The following ACVR1B variants were observed in gnomAD, a reference collection of about 807,000 sequenced individuals.
ACVR1B encodes activin receptor type-1B.
In ACVR1B, 15 loss-of-function variants were observed where a neutral mutation model predicts 55.6. The observed-to-expected ratio is 0.27, with a 90% CI of 0.18 to 0.42. The LOEUF (loss-of-function observed/expected upper bound fraction) is 0.42, where lower values mean the gene tolerates loss of function less well. Among genes scored for constraint, ACVR1B ranks in the 10% least tolerant of loss-of-function variants. The pLI, the probability that ACVR1B is intolerant of heterozygous loss-of-function variation, is 1.00. For missense variants in ACVR1B, 359 were observed against 670.1 expected, an observed-to-expected ratio of 0.54 and a Z score of 5.13; for synonymous variants, 247 against 254.6, an observed-to-expected ratio of 0.97 and a Z score of 0.28.
intron 1 of ACVR1B, among the ~76,000 whole-genome samples, chr12:51,959,201 A>G (rs1386780508): frequency 6.6e-6 from 1 of 152,244 alleles, no homozygotes; most frequent in African/African-American, 2.4e-5. Flanking sequence ...GGTCTCAATC[A>G]GTTGACCTTT....
intron 8 of ACVR1B, 57 bp downstream of exon 8, chr12:51,992,050 AG>A (rs753293946): frequency 1.4e-5 from 22 of 1,612,994 alleles, no homozygotes; most frequent in Admixed American, 1.7e-5. Context: ...ACCTTAGAAA[AG>A]GGTTTCTTGA....
chr12:51,980,448 T>G (rs1388076686), intron 3 of ACVR1B, among the ~76,000 whole-genome samples: 8 of 152,134 alleles, frequency 5.3e-5, no homozygotes, highest in Non-Finnish European at 1.2e-4. Flanking sequence ...ACATCTGGAG[T>G]TCGCTTGTGA....
intron 6 of ACVR1B, 21 bp from the exon 7 acceptor site, chr12:51,986,797 A>G (rs951614233): frequency 1.9e-6 from 3 of 1,600,176 alleles, no homozygotes; most frequent in African/African-American, 1.3e-5. Context: ...GTGCGTGACC[A>G]TGTTTGTTTT....
At chr12:51,957,665 A>G (rs1052045953) in intron 1 of ACVR1B, among the ~76,000 whole-genome samples, 6 of 152,098 alleles carry the variant, frequency 3.9e-5, no homozygotes, top group African/African-American at 1.4e-4. Flanking sequence ...TTGGCCTCCC[A>G]AAGGGCTGGG....
At chr12:51,962,185 C>T (rs1941543552) in intron 1 of ACVR1B, among the ~76,000 whole-genome samples, 1 of 152,258 alleles carries the variant, frequency 6.6e-6, no homozygotes, top group Non-Finnish European at 1.5e-5. Context: ...TTTCCAAACA[C>T]CTTTCTCTTA....
Position 51,994,316 on chromosome 12 carries a change from G to A in ACVR1B, c.*206G>A. On this transcript the variant is annotated 3_prime_UTR_variant, in exon 9 of 9. Transcript: ENST00000257963. The surrounding 1 kb of genome is among the most constrained non-coding windows in gnomAD (Gnocchi z 4.2). ...ACACCTTTTCTATTTACCTCCTAATGGCATGGAGACTCTGAGAGCGAATTG... is the reference window on the plus strand; with the variant it reads ...ACACCTTTTCTATTTACCTCCTAATAGCATGGAGACTCTGAGAGCGAATTG... 1.7e-6 allele frequency: 1 copy of A among 581,960 alleles called. No homozygotes were observed. Among genetic ancestry groups the A allele is most frequent in the Non-Finnish European group, 3.0e-6 (1 of 338,028 alleles). 36.0% of individuals were successfully genotyped at this position (581,960 alleles called of 1,614,324 possible). A position where few individuals can be genotyped will look rare whatever the true frequency, so the allele number is the denominator to read the frequency against.
intron 3 of ACVR1B, among the ~76,000 whole-genome samples, chr12:51,980,377 G>A: frequency 6.6e-6 from 1 of 152,212 alleles, no homozygotes. Context: ...ATGAAGCAAT[G>A]TTGAGTTTTA....
intron 1 of ACVR1B, among the ~76,000 whole-genome samples, chr12:51,964,945 C>G (rs1409314192): frequency 6.6e-6 from 1 of 151,292 alleles, no homozygotes; most frequent in African/African-American, 2.4e-5. Context: ...TTCAGGGTCA[C>G]TTGCAATTCC....
At chr12:51,953,320 C>T (rs1941346691) in intron 1 of ACVR1B, 2 of 984,996 alleles carry the variant, frequency 2.0e-6, no homozygotes, top group Non-Finnish European at 2.4e-6. Context: ...TCATTATCTC[C>T]GGCTTTGATA....
intron 1 of ACVR1B, among the ~76,000 whole-genome samples, chr12:51,966,517 C>G (rs1466183687): frequency 6.6e-6 from 1 of 152,196 alleles, no homozygotes; most frequent in Non-Finnish European, 1.5e-5. Flanking sequence ...GATGGAGTCA[C>G]AGCTCACTTC....
rs563117922 is a variant in ACVR1B, at chr12:51,992,473, C to T, written c.1392+480C>T. ...CCATGATTGGGCCACTGCGTTTCAG[C>T]CTGGGCAACAGAGCAAGACCCTGTC... On this transcript the variant is annotated intron_variant, in intron 8 of 8. Transcript: ENST00000257963. The T allele has an allele frequency of 2.2e-3, 370 of 169,522 alleles. 1 individual carries two copies. Among genetic ancestry groups the T allele is most frequent in the African/African-American group, 8.4e-3 (353 of 42,020 alleles). The allele number at this position is 169,522 out of a possible 1,614,324, so 10.5% of individuals were successfully genotyped here.
At chr12:51,964,325 G>C (rs775048132) in intron 1 of ACVR1B, among the ~76,000 whole-genome samples, 4 of 152,136 alleles carry the variant, frequency 2.6e-5, no homozygotes, top group Non-Finnish European at 4.4e-5. Flanking sequence ...TTTTTAATTG[G>C]GTTGTTGTTG....
At chr12:51,992,025 C>T (rs770900739) in intron 8 of ACVR1B, 32 bp downstream of exon 8, 1 of 1,614,216 alleles carries the variant, frequency 6.2e-7, no homozygotes, top group Non-Finnish European at 8.5e-7. Flanking sequence ...GCTTTCCCAT[C>T]AGCCTGATTT....
intron 7 of ACVR1B, among the ~76,000 whole-genome samples, chr12:51,990,594 G>T (rs1942172061): frequency 6.6e-6 from 1 of 152,118 alleles, no homozygotes; most frequent in African/African-American, 2.4e-5. Context: ...AGAATTAGAG[G>T]TGTGAGCCAT....
At chr12:51,954,310 T>C (rs1270183132) in intron 1 of ACVR1B, among the ~76,000 whole-genome samples, 2 of 152,242 alleles carry the variant, frequency 1.3e-5, no homozygotes, top group Non-Finnish European at 2.9e-5. Flanking sequence ...GTTTGATAGG[T>C]GTACATGTTT....
At chr12:51,964,180 A>G (rs1429754775) in intron 1 of ACVR1B, among the ~76,000 whole-genome samples, 6 of 152,062 alleles carry the variant, frequency 3.9e-5, no homozygotes, top group Admixed American at 1.3e-4. Flanking sequence ...TTGCTCTGTC[A>G]CCCAGGCTGG....
rs1419003800 is a variant in ACVR1B at position 51,960,790 on chromosome 12, C to A, written c.91+8956C>A. On this transcript the variant is annotated intron_variant, in intron 1 of 8. Coordinates refer to ENST00000257963, the MANE Select transcript of ACVR1B (RefSeq NM_004302.5). ...TGCCTTCAATCTCCCATTTGTTTTC[C>A]ATCCTACGGCTAGATCTAACTTTGG... Among the ~76,000 whole-genome samples the A allele has an allele frequency of 2.6e-5, 4 of 152,314 alleles. No homozygotes were observed. In the East Asian group the frequency reaches 7.7e-4, roughly 29 times the overall value.
intron 7 of ACVR1B, among the ~76,000 whole-genome samples, chr12:51,991,062 C>T (rs1376557721): frequency 6.6e-6 from 1 of 152,184 alleles, no homozygotes; most frequent in African/African-American, 2.4e-5. Context: ...CGAATGATTA[C>T]TTCCCCTACA....
intron 1 of ACVR1B, among the ~76,000 whole-genome samples, chr12:51,952,746 C>A (rs554018429): frequency 6.6e-6 from 1 of 152,254 alleles, no homozygotes; most frequent in South Asian, 2.1e-4. Flanking sequence ...AAAGATCCCA[C>A]CACTGGACTG....
Sources: gnomAD v4.1 joint callset for allele counts (sites outside exome capture counted in the v4.1 genomes callset) on GRCh38, gnomAD v4.1.1 for gene constraint, Gnocchi (gnomAD v3.1) non-coding constraint, MANE v1.5 for transcripts, NCBI Gene and HGNC (gene_info 2026-07-23, HGNC 2026-07-21) for gene names.